Variants in GRK5 observed in about 807,000 individuals in gnomAD.
The protein encoded by GRK5 is g protein-coupled receptor kinase GRK5.
A neutral mutation model predicts 78.4 loss-of-function variants in GRK5; 40 were observed. That is an observed-to-expected ratio of 0.51 (90% CI 0.40 to 0.66). The LOEUF (loss-of-function observed/expected upper bound fraction) is 0.66, where lower values mean the gene tolerates loss of function less well. Ranked by LOEUF, GRK5 falls within the 30% of genes least tolerant of loss-of-function variation. The probability of loss-of-function intolerance (pLI) is 0.00; values close to 1 mark genes in which losing one functional copy is unlikely to be tolerated. For synonymous variants in GRK5, 289 were observed against 296.8 expected, an observed-to-expected ratio of 0.97 and a Z score of 0.27; for missense variants, 598 against 759.9, an observed-to-expected ratio of 0.79 and a Z score of 2.50.
intron 1 of GRK5, among the ~76,000 whole-genome samples, chr10:119,250,517 A>ATTTTTTTT (rs5788333): frequency 2.2e-5 from 3 of 136,032 alleles, no homozygotes; most frequent in Non-Finnish European, 3.1e-5. Context: ...CCTCATTTAA[A>ATTTTTTTT]TTTTTTTTTT....
At chr10:119,343,389 C>T (rs572791696) in intron 2 of GRK5, among the ~76,000 whole-genome samples, 5 of 152,324 alleles carry the variant, frequency 3.3e-5, no homozygotes, top group East Asian at 1.9e-4. Context: ...GACACACACT[C>T]GTCCAATCAC....
intron 8 of GRK5, 104 bp from the exon 9 acceptor site, chr10:119,436,547 C>T: frequency 5.3e-6 from 6 of 1,129,758 alleles, no homozygotes; most frequent in Non-Finnish European, 7.8e-6. Context: ...CAGGGTGAGG[C>T]TCCTCTGTTC....
chr10:119,256,844 A>T (rs2133760746), intron 1 of GRK5, among the ~76,000 whole-genome samples: 1 of 152,258 alleles, frequency 6.6e-6, no homozygotes, highest in Non-Finnish European at 1.5e-5. Flanking sequence ...CACTTTCATC[A>T]CCATCACCCC....
chr10:119,400,577 A>T (rs981945574), intron 4 of GRK5, among the ~76,000 whole-genome samples: 2 of 150,056 alleles, frequency 1.3e-5, no homozygotes, highest in African/African-American at 4.9e-5. Context: ...CTTGGCACAG[A>T]GGTAGGAAAG....
intron 1 of GRK5, among the ~76,000 whole-genome samples, chr10:119,298,145 G>C (rs1172984922): frequency 6.6e-6 from 1 of 152,154 alleles, no homozygotes; most frequent in Non-Finnish European, 1.5e-5. Flanking sequence ...GCTCAGCACT[G>C]TACATATCTT....
chr10:119,455,095 T>C lies in GRK5; in HGVS notation c.*28T>C. The C allele has an allele frequency of 3.3e-6, 5 of 1,518,250 alleles. No individual in the cohort carries two copies. The highest frequency in any genetic ancestry group is 2.3e-5 in the East Asian group (1 of 44,428). The allele number at this position is 1,518,250 out of a possible 1,614,324, so 94.0% of individuals were successfully genotyped here. The stretch of plus-strand genomic sequence containing the variant: ...TCGGCTCTGGCCTCCAAGTCCACAG[T>C]GGAACCAGCCCAGACCCTTCTCCTT... On this transcript the variant is annotated 3_prime_UTR_variant, in exon 16 of 16. Transcript: ENST00000392870.
At chr10:119,444,392 T>C (rs1007764839) in intron 12 of GRK5, among the ~76,000 whole-genome samples, 1 of 151,928 alleles carries the variant, frequency 6.6e-6, no homozygotes, top group Non-Finnish European at 1.5e-5. Context: ...AAGTGGGGGA[T>C]ATGGGAGTGG....
intron 1 of GRK5, among the ~76,000 whole-genome samples, chr10:119,274,037 C>T (rs762110045): frequency 9.9e-5 from 15 of 152,166 alleles, no homozygotes; most frequent in Non-Finnish European, 2.1e-4. Context: ...TCAACTACCG[C>T]GCCTGGCCTA....
intron 1 of GRK5, among the ~76,000 whole-genome samples, chr10:119,216,013 G>C (rs1319231785): frequency 1.3e-5 from 2 of 152,180 alleles, no homozygotes; most frequent in African/African-American, 4.8e-5. Context: ...CACTGTTCTT[G>C]TATCCACTTG....
At chr10:119,421,639 G>A (rs2133882665) in intron 4 of GRK5, among the ~76,000 whole-genome samples, 1 of 152,340 alleles carries the variant, frequency 6.6e-6, no homozygotes, top group African/African-American at 2.4e-5. Context: ...TTGGTAACTG[G>A]GAAATGTGCT....
chr10:119,291,139 G>C (rs1230754330), intron 1 of GRK5, among the ~76,000 whole-genome samples: 1 of 152,156 alleles, frequency 6.6e-6, no homozygotes, highest in Non-Finnish European at 1.5e-5. Context: ...AGAGCCAGCC[G>C]CAGGGTATGG....
chr10:119,409,201 A>G (rs771145705), intron 4 of GRK5, among the ~76,000 whole-genome samples: 2 of 152,186 alleles, frequency 1.3e-5, no homozygotes, highest in African/African-American at 2.4e-5. Context: ...CCTGCGCGGC[A>G]TATTTCATGA....
intron 1 of GRK5, among the ~76,000 whole-genome samples, chr10:119,297,775 C>G (rs940029204): frequency 6.6e-6 from 1 of 152,324 alleles, no homozygotes; most frequent in African/African-American, 2.4e-5. Flanking sequence ...TCTTGGACTT[C>G]CCAGCCTCCA....
chr10:119,320,220 A>G (rs144270717), intron 1 of GRK5, among the ~76,000 whole-genome samples: 1 of 152,364 alleles, frequency 6.6e-6, no homozygotes, highest in African/African-American at 2.4e-5. Flanking sequence ...GCATTCACTC[A>G]GCAGATACTG....
intron 1 of GRK5, among the ~76,000 whole-genome samples, chr10:119,228,834 A>G (rs1173431157): frequency 2.0e-5 from 3 of 152,136 alleles, no homozygotes; most frequent in Non-Finnish European, 4.4e-5. Context: ...CAGAAATAAA[A>G]TCCTTAAAGA....
At chr10:119,358,738 C>G (rs776387955) in intron 2 of GRK5, among the ~76,000 whole-genome samples, 59 of 152,202 alleles carry the variant, frequency 3.9e-4, no homozygotes, top group Admixed American at 1.4e-3. Flanking sequence ...TTAGTCTGCT[C>G]AGGCTGCTAT....
chr10:119,261,632 T>A (rs1320379144), intron 1 of GRK5, among the ~76,000 whole-genome samples: 1 of 151,896 alleles, frequency 6.6e-6, no homozygotes, highest in East Asian at 1.9e-4. Flanking sequence ...TGAACCAGAC[T>A]CTGTCTGCAA....
chr10:119,421,570 G>A (rs1413343622), intron 4 of GRK5, among the ~76,000 whole-genome samples: 1 of 152,226 alleles, frequency 6.6e-6, no homozygotes, highest in Non-Finnish European at 1.5e-5. Context: ...GCTCTTCTGT[G>A]TCTCCTGGGG....
In GRK5 at chr10:119,273,804, C is replaced by T. The variant is rs919519424; in HGVS notation, c.53-52712C>T. ...TGTGTTCTTTTTTTTGATGGAGTCT[C>T]GCTCTGTCACCAAGGCTGGAGTGCA... On this transcript the variant is annotated intron_variant, in intron 1 of 15. Coordinates refer to ENST00000392870, the MANE Select transcript of GRK5 (RefSeq NM_005308.3). Among the ~76,000 whole-genome samples the T allele has an allele frequency of 2.6e-5, 4 of 152,082 alleles. No homozygotes were observed. The East Asian group carries it at 5.8e-4, about 22-fold the overall frequency.
Sources: gnomAD v4.1 joint callset for allele counts (sites outside exome capture counted in the v4.1 genomes callset) on GRCh38, gnomAD v4.1.1 for gene constraint, MANE v1.5 for transcripts, NCBI Gene and HGNC (gene_info 2026-07-23, HGNC 2026-07-21) for gene names.